Variants in KIF6 observed in about 807,000 individuals in gnomAD.
KIF6 encodes the protein kinesin-like protein KIF6.
In KIF6, 106 loss-of-function variants were observed where a neutral mutation model predicts 112.7. That is an observed-to-expected ratio of 0.94 (90% confidence interval 0.80 to 1.11). The LOEUF (loss-of-function observed/expected upper bound fraction) is 1.11. KIF6 is among the 50% of genes least tolerant of loss of function. KIF6 has a pLI of 0.00. For missense variants in KIF6, 929 were observed against 964.0 expected, an observed-to-expected ratio of 0.96 and a Z score of 0.48; for synonymous variants, 339 against 339.9, an observed-to-expected ratio of 1.00 and a Z score of 0.03.
intron 3 of KIF6, among the ~76,000 whole-genome samples, chr6:39,687,305 T>G (rs1033355648): frequency 1.3e-5 from 2 of 152,192 alleles, no homozygotes; most frequent in African/African-American, 4.8e-5. Context: ...ACCAAAATTA[T>G]GTAGAAACTA....
Position 39,332,272 on chromosome 6 carries a change from C to G in KIF6, c.*4260G>C, listed in dbSNP as rs1352010828. 6.6e-6 allele frequency: 1 copy of G among 151,334 alleles called. No homozygotes were observed. The highest frequency in any genetic ancestry group is 1.9e-4 in the East Asian group (1 of 5,170). The allele number at this position is 151,334 out of a possible 1,614,324, so 9.4% of individuals were successfully genotyped here. On this transcript the variant is annotated 3_prime_UTR_variant, in exon 23 of 23. Coordinates refer to ENST00000287152, the MANE Select transcript of KIF6 (RefSeq NM_145027.6). Reference sequence around the variant, plus strand: ...TCTATTTCTATTGATGGTTTTTTCTCCTCTCATGGCCCATATTTTCCTGCT... The same window carrying G: ...TCTATTTCTATTGATGGTTTTTTCTGCTCTCATGGCCCATATTTTCCTGCT...
chr6:39,624,610 T>C (rs768032338), intron 5 of KIF6, among the ~76,000 whole-genome samples: 6 of 152,162 alleles, frequency 3.9e-5, no homozygotes, highest in Non-Finnish European at 2.9e-5. Context: ...TCCATACTAA[T>C]ACACAGTTTA....
intron 6 of KIF6, among the ~76,000 whole-genome samples, chr6:39,600,319 C>T (rs1277224477): frequency 6.6e-6 from 1 of 152,138 alleles, no homozygotes; most frequent in African/African-American, 2.4e-5. Context: ...ATGCAGAGAG[C>T]TTTCACGTTT....
At chr6:39,601,008 G>A (rs910954695) in intron 6 of KIF6, among the ~76,000 whole-genome samples, 8 of 152,176 alleles carry the variant, frequency 5.3e-5, no homozygotes, top group Non-Finnish European at 5.9e-5. Flanking sequence ...TCTGGGAAGT[G>A]TAAAAGGTCA....
intron 6 of KIF6, among the ~76,000 whole-genome samples, chr6:39,610,183 C>G (rs1004235039): frequency 6.6e-6 from 1 of 152,146 alleles, no homozygotes; most frequent in African/African-American, 2.4e-5. Context: ...GGGTCACACA[C>G]AGTTCAGCTT....
chr6:39,723,428 C>A (rs771198703), intron 1 of KIF6, among the ~76,000 whole-genome samples: 5 of 152,128 alleles, frequency 3.3e-5, no homozygotes, highest in Admixed American at 6.5e-5. Flanking sequence ...GCTTTGAAAT[C>A]AAAAATCCTT....
In KIF6 at chr6:39,333,299, T is replaced by A. The variant is rs1344173300; in HGVS notation, c.*3233A>T. ...CTGTGCCAGTCTGCTATTGCTACAA[T>A]TAATGCTATATAACAAACCACTCTA... On this transcript the variant is annotated 3_prime_UTR_variant, in exon 23 of 23. Transcript: ENST00000287152. 1 of 152,242 alleles carries A rather than the reference T, an allele frequency of 6.6e-6. No individual in the cohort carries two copies. The highest frequency in any genetic ancestry group is 1.5e-5 in the Non-Finnish European group (1 of 68,046). 9.4% of individuals were successfully genotyped at this position (152,242 alleles called of 1,614,324 possible). A position where few individuals can be genotyped will look rare whatever the true frequency, so the allele number is the denominator to read the frequency against.
intron 3 of KIF6, among the ~76,000 whole-genome samples, chr6:39,680,002 G>C (rs1387191764): frequency 6.6e-6 from 1 of 150,882 alleles, no homozygotes; most frequent in African/African-American, 2.4e-5. Flanking sequence ...AACAAGTATA[G>C]TTAGTTTTTT....
intron 13 of KIF6, among the ~76,000 whole-genome samples, chr6:39,524,162 G>A (rs1424252090): frequency 6.6e-6 from 1 of 151,998 alleles, no homozygotes; most frequent in Non-Finnish European, 1.5e-5. Flanking sequence ...AAGAGAGAGA[G>A]AGAGAGAGAG....
chr6:39,655,516 A>G (rs900642121), intron 3 of KIF6, among the ~76,000 whole-genome samples: 1 of 152,008 alleles, frequency 6.6e-6, no homozygotes, highest in Non-Finnish European at 1.5e-5. Flanking sequence ...CAGGGCCTTC[A>G]GTTCTCCAAC....
At chr6:39,708,970 C>A (rs950707960) in intron 3 of KIF6, among the ~76,000 whole-genome samples, 1 of 151,488 alleles carries the variant, frequency 6.6e-6, no homozygotes, top group Non-Finnish European at 1.5e-5. Flanking sequence ...CTTCTTAAAT[C>A]TTACCTTTAT....
chr6:39,688,881 A>C (rs1271015069), intron 3 of KIF6, among the ~76,000 whole-genome samples: 1 of 152,232 alleles, frequency 6.6e-6, no homozygotes, highest in Non-Finnish European at 1.5e-5. Context: ...TTCTTAGCTC[A>C]ACACTTAGAA....
At chr6:39,553,942 C>A in intron 10 of KIF6, 1 of 154,972 alleles carries the variant, frequency 6.5e-6, no homozygotes, top group South Asian at 1.8e-4. Flanking sequence ...TGCTTGACCT[C>A]AAGCTGGCAG....
intron 15 of KIF6, among the ~76,000 whole-genome samples, chr6:39,391,371 G>C (rs892346124): frequency 6.6e-6 from 1 of 152,140 alleles, no homozygotes; most frequent in African/African-American, 2.4e-5. Flanking sequence ...GAGTGAAAGG[G>C]GACTGATGAA....
chr6:39,384,949 T>G (rs945475177), intron 16 of KIF6, among the ~76,000 whole-genome samples: 5 of 152,252 alleles, frequency 3.3e-5, no homozygotes, highest in African/African-American at 1.2e-4. Flanking sequence ...AGATGTCCAC[T>G]GCTTAAAAGG....
intron 19 of KIF6, among the ~76,000 whole-genome samples, chr6:39,351,443 C>G (rs935521563): frequency 6.6e-6 from 1 of 151,002 alleles, no homozygotes; most frequent in Non-Finnish European, 1.5e-5. Context: ...GTTGTAGAGA[C>G]GGGGTTTCAC....
chr6:39,638,474 A>G lies in KIF6; in HGVS notation c.399+1136T>C, dbSNP rs139408647. ...AATGTCAGAAATAAGTGAGTAAATGAAAAAAGGGCTTTGGATCCAACATAT... is the reference window on the plus strand; with the variant it reads ...AATGTCAGAAATAAGTGAGTAAATGGAAAAAGGGCTTTGGATCCAACATAT... On this transcript the variant is annotated intron_variant, in intron 4 of 22. Transcript: ENST00000287152. Among the ~76,000 whole-genome samples, 1,095 of 152,226 alleles carry G rather than the reference A, an allele frequency of 7.2e-3. 8 individuals are homozygous for G. Among genetic ancestry groups the G allele is most frequent in the Non-Finnish European group, 0.012 (786 of 67,986 alleles).
intron 16 of KIF6, among the ~76,000 whole-genome samples, chr6:39,363,336 C>T (rs1294243105): frequency 6.6e-6 from 1 of 152,200 alleles, no homozygotes; most frequent in Non-Finnish European, 1.5e-5. Flanking sequence ...GAACGCAGGC[C>T]ATGTTAATTC....
chr6:39,447,497 T>TA (rs1384290552), intron 13 of KIF6, among the ~76,000 whole-genome samples: 1 of 151,932 alleles, frequency 6.6e-6, no homozygotes, highest in Non-Finnish European at 1.5e-5. Flanking sequence ...TAGTTAAATG[T>TA]AGCTATATTT....
Sources: allele counts gnomAD v4.1 joint callset (sites outside exome capture counted in the v4.1 genomes callset), GRCh38; gene constraint gnomAD v4.1.1; transcripts MANE v1.5; gene names NCBI Gene and HGNC (gene_info 2026-07-23, HGNC 2026-07-21).